The following USP34 variants were observed in gnomAD, a reference collection of about 807,000 sequenced individuals.
The protein encoded by USP34 is ubiquitin carboxyl-terminal hydrolase 34.
A neutral mutation model predicts 460.3 loss-of-function variants in USP34; 70 were observed. The ratio of observed to expected loss-of-function variants is 0.15; its 90% CI spans 0.13 to 0.19. The LOEUF is 0.19. Ranked by LOEUF, USP34 falls within the 10% of genes least tolerant of loss-of-function variation. The pLI is 1.00. For synonymous variants in USP34, 1,647 were observed against 1,405.3 expected (o/e 1.17, Z -3.85); for missense variants, 3,985 against 4,236.2 (o/e 0.94, Z 1.65).
At chr2:61,451,289 G>C (rs1352710608) in intron 1 of USP34, among the ~76,000 whole-genome samples, 1 of 147,936 alleles carries the variant, frequency 6.8e-6, no homozygotes, top group Admixed American at 6.8e-5. Flanking sequence ...AACGGCACCA[G>C]GCACAAAGAT....
At chr2:61,416,688 T>C (rs1465235717) in intron 2 of USP34, among the ~76,000 whole-genome samples, 2 of 152,234 alleles carry the variant, frequency 1.3e-5, no homozygotes, top group Admixed American at 1.3e-4. Flanking sequence ...CTTGAATTTA[T>C]TCTCCTATTC....
chr2:61,439,701 A>G (rs1458049949), intron 1 of USP34, among the ~76,000 whole-genome samples: 1 of 152,154 alleles, frequency 6.6e-6, no homozygotes, highest in African/African-American at 2.4e-5. Flanking sequence ...TGTTTCTAAG[A>G]GAACAGACTT....
At chr2:61,347,720 T>G in intron 15 of USP34, 150 bp downstream of exon 15, 1 of 1,419,636 alleles carries the variant, frequency 7.0e-7, no homozygotes, top group Non-Finnish European at 9.3e-7. Flanking sequence ...AATAGAAAAC[T>G]TGAAATTATC....
intron 1 of USP34, among the ~76,000 whole-genome samples, chr2:61,421,775 A>G (rs1694364265): frequency 1.1e-5 from 1 of 88,256 alleles, no homozygotes; most frequent in African/African-American, 4.3e-5. Context: ...TACATTTAAA[A>G]CACACACACA....
chr2:61,194,214 C>T, intron 75 of USP34: 1 of 985,342 alleles, frequency 1.0e-6, no homozygotes, highest in Non-Finnish European at 1.2e-6. Context: ...ATTTTCCTGT[C>T]AAGATGAGTC....
At position 61,343,683 on chromosome 2, in the gene USP34, T is replaced by C. The variant is rs1364354097; in HGVS notation, c.2500+132A>G. ...ATTCCCTTGGGGGAAAAAAAAAAAC[T>C]ACCATATGTAAGTTATTTTGACAAA... On this transcript the variant is annotated intron_variant, in intron 16 of 79. Coordinates refer to ENST00000398571, the MANE Select transcript of USP34 (RefSeq NM_014709.4). 4 of 882,470 alleles carry C rather than the reference T, an allele frequency of 4.5e-6. No individual in the cohort carries two copies. The Admixed American group carries it at 1.2e-4, about 26-fold the overall frequency. The allele number at this position is 882,470 out of a possible 1,614,324, so 54.7% of individuals were successfully genotyped here. A position where few individuals can be genotyped will look rare whatever the true frequency, so the allele number is the denominator to read the frequency against.
intron 58 of USP34, 39 bp from the exon 59 acceptor site, chr2:61,229,672 T>C (rs1012443865): frequency 1.6e-5 from 24 of 1,534,488 alleles, no homozygotes; most frequent in Non-Finnish European, 1.8e-5. Flanking sequence ...AGCCAACTCA[T>C]CAGGTAACAA....
chr2:61,416,288 A>C (rs887281737), intron 2 of USP34, among the ~76,000 whole-genome samples: 4 of 152,238 alleles, frequency 2.6e-5, no homozygotes, highest in African/African-American at 4.8e-5. Context: ...ATTCTAAAAA[A>C]CAAAATTTAT....
At chr2:61,389,022 G>A (rs945335886) in intron 5 of USP34, among the ~76,000 whole-genome samples, 3 of 151,836 alleles carry the variant, frequency 2.0e-5, no homozygotes, top group Admixed American at 6.6e-5. Context: ...AAAACAACCA[G>A]GCATGAAAGA....
rs761593551 is a variant in USP34, at chr2:61,348,270, G to C, written c.1885C>G (p.His629Asp). 7 of 1,614,182 alleles carry C rather than the reference G, an allele frequency of 4.3e-6. No individual in the cohort carries two copies. Among genetic ancestry groups the C allele is most frequent in the Non-Finnish European group, 5.9e-6 (7 of 1,180,020 alleles). ...ALKEEDEDDDHGHNPPKSSCG... is the reference protein window; with the variant it reads ...ALKEEDEDDDDGHNPPKSSCG... Reference sequence around the variant, plus strand: ...CTGCTTTTGGGAGGATTATGACCATGATCATCGTCTTCATCTTCCTCTTTG... The same window carrying C: ...CTGCTTTTGGGAGGATTATGACCATCATCATCGTCTTCATCTTCCTCTTTG... Residue 629 changes from histidine (H) to aspartate (D), a missense_variant, in exon 15 of 80, where the codon CAT (histidine) becomes GAT (aspartate). Transcript: ENST00000398571.
chr2:61,455,135 G>A (rs1573061549), intron 1 of USP34, among the ~76,000 whole-genome samples: 2 of 152,052 alleles, frequency 1.3e-5, no homozygotes, highest in South Asian at 2.1e-4. Context: ...GCCTACCTTG[G>A]CCTCCCAAAA....
At chr2:61,239,411 T>C (rs950497151) in intron 53 of USP34, among the ~76,000 whole-genome samples, 1 of 145,100 alleles carries the variant, frequency 6.9e-6, no homozygotes, top group Non-Finnish European at 1.6e-5. Flanking sequence ...AAAGGTTTTA[T>C]TTAAAATTTC....
chr2:61,343,158 T>G (rs1200606696), intron 16 of USP34, among the ~76,000 whole-genome samples: 2 of 152,242 alleles, frequency 1.3e-5, no homozygotes, highest in Non-Finnish European at 1.5e-5. Context: ...CCAGCATATG[T>G]TGATGATACC....
intron 1 of USP34, among the ~76,000 whole-genome samples, chr2:61,463,527 C>T (rs536199644): frequency 3.3e-5 from 5 of 152,082 alleles, no homozygotes; most frequent in African/African-American, 1.2e-4. Context: ...AAAATTTATA[C>T]AATGTTAACT....
At chr2:61,281,795 A>C (rs1024384690) in intron 37 of USP34, among the ~76,000 whole-genome samples, 2 of 152,178 alleles carry the variant, frequency 1.3e-5, no homozygotes, top group African/African-American at 4.8e-5. Context: ...AGAATAATTG[A>C]GTAAGGACAT....
At chr2:61,191,421 T>C (rs1686639516) in intron 76 of USP34, 1 of 152,072 alleles carries the variant, frequency 6.6e-6, no homozygotes, top group South Asian at 2.1e-4. Flanking sequence ...TATGTGTATA[T>C]CTTATTAAAG....
chr2:61,421,725 A>G (rs1694362763), intron 1 of USP34, among the ~76,000 whole-genome samples: 1 of 152,180 alleles, frequency 6.6e-6, no homozygotes, highest in Non-Finnish European at 1.5e-5. Flanking sequence ...GTCCTACTAT[A>G]CCAGTAAGTT....
chr2:61,456,914 G>A (rs781172104), intron 1 of USP34, among the ~76,000 whole-genome samples: 36 of 152,042 alleles, frequency 2.4e-4, no homozygotes, highest in Admixed American at 1.6e-3. Flanking sequence ...CTGGGACGTT[G>A]AGGCTGCAGT....
intron 3 of USP34, among the ~76,000 whole-genome samples, chr2:61,403,639 G>A (rs1171084953): frequency 1.3e-5 from 2 of 152,060 alleles, no homozygotes; most frequent in Admixed American, 1.3e-4. Context: ...AGCACAATCT[G>A]CTTTTAAACA....
Sources: allele counts gnomAD v4.1 joint callset (sites outside exome capture counted in the v4.1 genomes callset), GRCh38; gene constraint gnomAD v4.1.1; transcripts MANE v1.5; gene names NCBI Gene and HGNC (gene_info 2026-07-23, HGNC 2026-07-21).